The following CADM1 variants were observed in gnomAD, a reference collection of about 807,000 sequenced individuals.
CADM1 encodes cell adhesion molecule 1, also known as TSLC-1.
CADM1 carries 15 observed loss-of-function variants against 53.1 expected under a neutral mutation model. The observed-to-expected ratio is 0.28, with a 90% CI of 0.19 to 0.44. CADM1 has a LOEUF of 0.44. CADM1 is among the 20% of genes least tolerant of loss of function. The pLI is 1.00. For synonymous variants in CADM1, 281 were observed against 243.0 expected (o/e 1.16, Z -1.45); for missense variants, 434 against 611.3 (o/e 0.71, Z 3.06).
chr11:115,357,141 T>C (rs1945894834), intron 1 of CADM1, among the ~76,000 whole-genome samples: 1 of 152,130 alleles, frequency 6.6e-6, no homozygotes, highest in Admixed American at 6.5e-5. Flanking sequence ...AGAAGCAATG[T>C]CCCTCGGGCC....
chr11:115,458,575 C>T (rs1246340548), intron 1 of CADM1, among the ~76,000 whole-genome samples: 2 of 150,998 alleles, frequency 1.3e-5, no homozygotes, highest in Non-Finnish European at 3.0e-5. Context: ...TTTTATCTTG[C>T]AAGCTAGACA....
chr11:115,211,567 C>T (rs1466395410), intron 7 of CADM1, among the ~76,000 whole-genome samples: 2 of 149,262 alleles, frequency 1.3e-5, no homozygotes, highest in Middle Eastern at 3.6e-3. Flanking sequence ...GCAATCTCCG[C>T]TTCCCGGGTT....
intron 1 of CADM1, among the ~76,000 whole-genome samples, chr11:115,475,288 T>C (rs931166550): frequency 1.3e-5 from 2 of 152,198 alleles, no homozygotes; most frequent in African/African-American, 4.8e-5. Context: ...TTTTTTCCTC[T>C]CTACCTTAGG....
chr11:115,449,193 C>T (rs1948517487), intron 1 of CADM1, among the ~76,000 whole-genome samples: 1 of 152,184 alleles, frequency 6.6e-6, no homozygotes, highest in African/African-American at 2.4e-5. Flanking sequence ...TGGAACCTGC[C>T]AGGTATGCCT....
chr11:115,193,306 T>C (rs1939983504), intron 9 of CADM1, among the ~76,000 whole-genome samples: 1 of 152,244 alleles, frequency 6.6e-6, no homozygotes, highest in South Asian at 2.1e-4. Context: ...CTAATTAAAA[T>C]GTATTCAACA....
chr11:115,250,192 T>C (rs1406267286), intron 1 of CADM1, among the ~76,000 whole-genome samples: 4 of 152,228 alleles, frequency 2.6e-5, no homozygotes, highest in Non-Finnish European at 4.4e-5. Flanking sequence ...CATGAGCCAC[T>C]GTGCCCACCC....
At chr11:115,194,562 G>C (rs759232990) in intron 9 of CADM1, among the ~76,000 whole-genome samples, 1 of 152,154 alleles carries the variant, frequency 6.6e-6, no homozygotes, top group Non-Finnish European at 1.5e-5. Flanking sequence ...AAACTCATTG[G>C]GGATATGAAA....
chr11:115,489,259 A>T (rs536855063), intron 1 of CADM1, among the ~76,000 whole-genome samples: 17 of 152,360 alleles, frequency 1.1e-4, no homozygotes, highest in African/African-American at 4.1e-4. Flanking sequence ...CCTTCAAGAT[A>T]CAAAAGTCAG....
Position 115,480,707 on chromosome 11 carries a change from A to C in CADM1, c.124+23564T>G, listed in dbSNP as rs373206395. On this transcript the variant is annotated intron_variant, in intron 1 of 11. Transcript: ENST00000331581. ...TCCTAGAATTTCTGAGTTCTCCTGG[A>C]GGGAGAACATTTCAAACCTTCCCAG... 9.2e-5 allele frequency among the ~76,000 whole-genome samples: 14 copies of C among 152,208 alleles called. No individual in the cohort carries two copies. In the East Asian group the frequency reaches 2.7e-3, roughly 29 times the overall value.
intron 9 of CADM1, among the ~76,000 whole-genome samples, chr11:115,194,398 G>C (rs1046944101): frequency 1.3e-5 from 2 of 152,228 alleles, no homozygotes; most frequent in African/African-American, 4.8e-5. Context: ...AGCTACAGGG[G>C]CAGTTTTCTA....
chr11:115,245,290 TATTG>T (rs1942373366), intron 1 of CADM1, among the ~76,000 whole-genome samples: 1 of 151,930 alleles, frequency 6.6e-6, no homozygotes, highest in Admixed American at 6.5e-5. Context: ...AAACCAAAAC[TATTG>T]ATTGTTAAAA....
intron 1 of CADM1, among the ~76,000 whole-genome samples, chr11:115,242,035 T>C (rs574813388): frequency 2.6e-5 from 4 of 151,154 alleles, no homozygotes; most frequent in African/African-American, 9.7e-5. Context: ...AAGATGGCTC[T>C]AAGCCAAATC....
intron 1 of CADM1, among the ~76,000 whole-genome samples, chr11:115,372,507 A>T (rs1241371714): frequency 6.6e-6 from 1 of 152,174 alleles, no homozygotes; most frequent in Non-Finnish European, 1.5e-5. Context: ...TGCATCATAA[A>T]TTGAGAATTT....
chr11:115,406,536 A>G (rs1310502347), intron 1 of CADM1, among the ~76,000 whole-genome samples: 1 of 148,172 alleles, frequency 6.7e-6, no homozygotes, highest in Non-Finnish European at 1.5e-5. Flanking sequence ...ATACATTATA[A>G]TTATATAATG....
intron 10 of CADM1, among the ~76,000 whole-genome samples, chr11:115,180,777 T>C (rs1939272705): frequency 6.6e-6 from 1 of 152,064 alleles, no homozygotes; most frequent in South Asian, 2.1e-4. Context: ...AAATTGCTCA[T>C]GGGGGACAAA....
intron 1 of CADM1, among the ~76,000 whole-genome samples, chr11:115,350,831 C>T (rs1257923087): frequency 6.6e-6 from 1 of 151,222 alleles, no homozygotes; most frequent in Non-Finnish European, 1.5e-5. Flanking sequence ...CTTTCTAAGC[C>T]ATATAAAAGT....
chr11:115,194,784 C>A (rs958061351), intron 9 of CADM1, among the ~76,000 whole-genome samples: 4 of 152,042 alleles, frequency 2.6e-5, no homozygotes, highest in African/African-American at 4.8e-5. Context: ...ATGCTGTCAC[C>A]CGACCCCTCA....
chr11:115,265,593 C>T (rs1943111678), intron 1 of CADM1, among the ~76,000 whole-genome samples: 1 of 152,148 alleles, frequency 6.6e-6, no homozygotes, highest in Non-Finnish European at 1.5e-5. Flanking sequence ...CTGTCTCCAC[C>T]ATTGAATACA....
intron 1 of CADM1, among the ~76,000 whole-genome samples, chr11:115,295,152 T>G (rs1315556979): frequency 1.3e-5 from 2 of 152,234 alleles, no homozygotes; most frequent in East Asian, 3.9e-4. Context: ...CAACCATGAA[T>G]TGTTTCTACA....
Sources: allele counts gnomAD v4.1 joint callset (sites outside exome capture counted in the v4.1 genomes callset), GRCh38; gene constraint gnomAD v4.1.1; transcripts MANE v1.5; gene names NCBI Gene and HGNC (gene_info 2026-07-23, HGNC 2026-07-21).